YEATS4: variants seen among roughly 807,000 people sequenced by gnomAD.
The protein encoded by YEATS4 is YEATS domain containing 4.
In YEATS4, 17 loss-of-function variants were observed where a neutral mutation model predicts 30.1. The observed-to-expected ratio is 0.56, with a 90% CI of 0.39 to 0.85. The LOEUF (loss-of-function observed/expected upper bound fraction) is 0.85, where lower values mean the gene tolerates loss of function less well. Ranked by LOEUF, YEATS4 falls within the 40% of genes least tolerant of loss-of-function variation. The pLI is 0.00. For missense variants in YEATS4, 142 were observed against 268.3 expected, an observed-to-expected ratio of 0.53 and a Z score of 3.29; for synonymous variants, 85 against 87.5, an observed-to-expected ratio of 0.97 and a Z score of 0.16.
intron 4 of YEATS4, among the ~76,000 whole-genome samples, chr12:69,367,558 G>A (rs903821704): frequency 2.6e-5 from 4 of 151,998 alleles, no homozygotes; most frequent in African/African-American, 9.7e-5. Context: ...TAGAGATAGG[G>A]GCTCGCCATG....
intron 2 of YEATS4, among the ~76,000 whole-genome samples, chr12:69,364,801 G>A (rs1467049090): frequency 2.0e-5 from 3 of 152,072 alleles, no homozygotes; most frequent in African/African-American, 7.2e-5. Context: ...TGTATTTTTA[G>A]TAGAGATGGA....
At chr12:69,402,722 TTTC>T in the YEATS4 span, among the ~76,000 whole-genome samples, 9 of 130,594 alleles carry the variant, frequency 6.9e-5, no homozygotes, top group African/African-American at 2.0e-4. Flanking sequence ...CTTTCTTTCT[TTTC>T]TTTTTTTTTT....
chr12:69,388,063 A>T (rs11177639), intron 6 of YEATS4, among the ~76,000 whole-genome samples: 1,511 of 143,458 alleles, frequency 0.011, 8 homozygotes, highest in Non-Finnish European at 0.016. Context: ...TTTTATTTTT[A>T]TTTTTTTTTT....
chr12:69,415,413 A>G, the YEATS4 span, among the ~76,000 whole-genome samples: 1 of 152,158 alleles, frequency 6.6e-6, no homozygotes, highest in Non-Finnish European at 1.5e-5. Context: ...CATCTGTACT[A>G]AAAATACAAA....
At chr12:69,364,169 T>C (rs566708575) in intron 2 of YEATS4, 19 of 448,740 alleles carry the variant, frequency 4.2e-5, no homozygotes, top group South Asian at 2.7e-4. Flanking sequence ...CTAAAAACCA[T>C]TGGCTAGGCA....
chr12:69,420,878 C>T, the YEATS4 span, among the ~76,000 whole-genome samples: 1 of 152,188 alleles, frequency 6.6e-6, no homozygotes, highest in African/African-American at 2.4e-5. Context: ...GTTCTGGATG[C>T]TGTACATGGA....
At chr12:69,415,228 A>G in the YEATS4 span, among the ~76,000 whole-genome samples, 1 of 152,168 alleles carries the variant, frequency 6.6e-6, no homozygotes, top group Non-Finnish European at 1.5e-5. Context: ...TAAGTTGTTC[A>G]GTGGGCAAAA....
the YEATS4 span, among the ~76,000 whole-genome samples, chr12:69,405,838 A>G: frequency 1.3e-5 from 2 of 152,248 alleles, no homozygotes; most frequent in South Asian, 2.1e-4. Context: ...CAGGTAATTG[A>G]AACTGAAATG....
chr12:69,407,810 A>G, the YEATS4 span, among the ~76,000 whole-genome samples: 4 of 132,102 alleles, frequency 3.0e-5, no homozygotes, highest in African/African-American at 5.8e-5. Context: ...TCTGCCTCCC[A>G]GGTTCAAGCA....
At chr12:69,379,638 G>C (rs1875997249) in intron 6 of YEATS4, among the ~76,000 whole-genome samples, 1 of 111,418 alleles carries the variant, frequency 9.0e-6, no homozygotes. Context: ...ATGGGGTTTT[G>C]CCATGTTGCC....
At chr12:69,380,588 A>T (rs1474952423) in intron 6 of YEATS4, among the ~76,000 whole-genome samples, 2 of 152,174 alleles carry the variant, frequency 1.3e-5, no homozygotes, top group East Asian at 3.8e-4. Context: ...CCCAAGGCCC[A>T]CTGTAACCGC....
chr12:69,406,453 A>G, the YEATS4 span, among the ~76,000 whole-genome samples: 19,101 of 152,130 alleles, frequency 0.13, 1,523 homozygotes, highest in East Asian at 0.38. Context: ...TCAGCCTCCT[A>G]AGTAGCTGGA....
the YEATS4 span, among the ~76,000 whole-genome samples, chr12:69,420,917 T>G: frequency 4.0e-4 from 61 of 152,346 alleles, no homozygotes; most frequent in African/African-American, 1.4e-3. Flanking sequence ...TGAGGTCTTT[T>G]GTGTCTTTCA....
chr12:69,384,881 G>T (rs530265687), intron 6 of YEATS4, among the ~76,000 whole-genome samples: 1 of 152,200 alleles, frequency 6.6e-6, no homozygotes, highest in South Asian at 2.1e-4. Context: ...TGGGCAGAAG[G>T]TATGGACAGA....
At chr12:69,422,128 G>C in the YEATS4 span, among the ~76,000 whole-genome samples, 2 of 152,204 alleles carry the variant, frequency 1.3e-5, no homozygotes, top group East Asian at 1.9e-4. Context: ...GTCCAAGAAG[G>C]GGGTGGAGGA....
At chr12:69,425,172 C>G in the YEATS4 span, among the ~76,000 whole-genome samples, 1 of 152,038 alleles carries the variant, frequency 6.6e-6, no homozygotes, top group African/African-American at 2.4e-5. Context: ...ATCTGTCCGC[C>G]TCGGCCTCCC....
At chr12:69,394,568 G>T (rs1868337323), downstream of YEATS4, among the ~76,000 whole-genome samples, 1 of 152,198 alleles carries the variant, frequency 6.6e-6, no homozygotes, top group South Asian at 2.1e-4. Context: ...CATCACTGAT[G>T]ATACCAACAG....
the YEATS4 span, among the ~76,000 whole-genome samples, chr12:69,421,548 AG>A: frequency 6.6e-6 from 1 of 152,172 alleles, no homozygotes; most frequent in Non-Finnish European, 1.5e-5. Flanking sequence ...TGTAGTTTCT[AG>A]AGAGGTGGTC....
rs745720801 is a variant in YEATS4 at position 69,365,782 on chromosome 12, G to A, written c.239-8G>A. 1 of 1,603,988 alleles carries A rather than the reference G, an allele frequency of 6.2e-7. No individual in the cohort carries two copies. Among genetic ancestry groups the A allele is most frequent in the Non-Finnish European group, 8.5e-7 (1 of 1,174,802 alleles). ...ACCGATAATTTACTATTTTTTTTCT[G>A]TCTTTAGTTGTTACTAAACCTCCAT... is the stretch of plus-strand genomic sequence containing the variant. On this transcript the variant is annotated splice_region_variant and splice_polypyrimidine_tract_variant and intron_variant, in intron 3 of 6. Coordinates refer to ENST00000247843, the MANE Select transcript of YEATS4 (RefSeq NM_006530.4).
Sources: gnomAD v4.1 joint callset for allele counts (sites outside exome capture counted in the v4.1 genomes callset) on GRCh38, gnomAD v4.1.1 for gene constraint, MANE v1.5 for transcripts, NCBI Gene and HGNC (gene_info 2026-07-23, HGNC 2026-07-21) for gene names.